Variants in HMCN1 observed in about 807,000 individuals in gnomAD.
The protein encoded by HMCN1 is hemicentin-1.
A neutral mutation model predicts 625.9 loss-of-function variants in HMCN1; 321 were observed. The observed-to-expected ratio is 0.51, with a 90% CI of 0.47 to 0.56. The LOEUF (loss-of-function observed/expected upper bound fraction) is 0.56, where lower values mean the gene tolerates loss of function less well. Ranked by LOEUF, HMCN1 falls within the 20% of genes least tolerant of loss-of-function variation. HMCN1 has a pLI of 0.00. For missense variants in HMCN1, 6,588 were observed against 6,887.3 expected (o/e 0.96, Z 1.54); for synonymous variants, 2,425 against 2,417.6 (o/e 1.00, Z -0.09).
At chr1:186,146,073 C>G (rs1650300997) in intron 93 of HMCN1, 150 bp downstream of exon 93, 1 of 808,592 alleles carries the variant, frequency 1.2e-6, no homozygotes, top group Non-Finnish European at 2.0e-6. Context: ...TGGTACAGTT[C>G]TGTATCAATC....
At position 185,758,723 on chromosome 1, in the gene HMCN1, T is replaced by C. The variant is rs114740467; in HGVS notation, c.268+23676T>C. 9.0e-3 allele frequency among the ~76,000 whole-genome samples: 1,372 copies of C among 152,294 alleles called. 13 individuals are homozygous for C. Among genetic ancestry groups the C allele is most frequent in the Middle Eastern group, 0.027 (8 of 294 alleles). On this transcript the variant is annotated intron_variant, in intron 1 of 106. Transcript: ENST00000271588. ...CTCCTTTTTTTCTTCTTCCTTCTTT[T>C]CCTCATATTTTTCTTCCTCTTTCCA... is the stretch of plus-strand genomic sequence containing the variant.
intron 1 of HMCN1, among the ~76,000 whole-genome samples, chr1:185,808,752 T>G (rs1659329370): frequency 6.6e-6 from 1 of 152,204 alleles, no homozygotes; most frequent in Non-Finnish European, 1.5e-5. Flanking sequence ...TTCAGGCATC[T>G]GAATGATGTA....
At chr1:185,797,683 T>TAGATTTCTTTTG (rs1553241679) in intron 1 of HMCN1, among the ~76,000 whole-genome samples, 36 of 147,654 alleles carry the variant, frequency 2.4e-4, no homozygotes, top group African/African-American at 8.9e-4. Context: ...AAGACTTGTT[T>TAGATTTCTTTTG]TGGCCGGGCG....
At chr1:185,784,265 G>C (rs1657391687) in intron 1 of HMCN1, among the ~76,000 whole-genome samples, 1 of 152,148 alleles carries the variant, frequency 6.6e-6, no homozygotes, top group Non-Finnish European at 1.5e-5. Flanking sequence ...GCTTCCCTTG[G>C]CTAGGAAAGG....
In HMCN1 at chr1:186,115,284, A is replaced by C. The variant is rs751774619; in HGVS notation, c.11431A>C (p.Thr3811Pro). The C allele has an allele frequency of 6.2e-7, 1 of 1,614,056 alleles. No individual in the cohort carries two copies. The highest frequency in any genetic ancestry group is 8.5e-7 in the Non-Finnish European group (1 of 1,179,980). ...TCCTCCATCTATTGCTCCGGGTCCT[A>C]CCAACATGACTGTAATAGTAAATGT... is the stretch of plus-strand genomic sequence containing the variant. ...HVPPSIAPGP[T>P]NMTVIVNVQT... Residue 3811 changes from threonine to proline, a missense_variant, in exon 75 of 107, where the codon ACC becomes CCC. This residue lies in a region of HMCN1 where 4,628 missense variants were observed against 4,853.1 expected (regional missense o/e 0.95). Coordinates refer to ENST00000271588, the MANE Select transcript of HMCN1 (RefSeq NM_031935.3).
chr1:186,110,207 A>G (rs555816987), intron 71 of HMCN1, among the ~76,000 whole-genome samples: 3 of 152,276 alleles, frequency 2.0e-5, no homozygotes, highest in African/African-American at 7.2e-5. Flanking sequence ...GCGGCCTTTG[A>G]TGTAATCATC....
intron 4 of HMCN1, among the ~76,000 whole-genome samples, chr1:185,870,614 G>A (rs183052665): frequency 1.7e-3 from 260 of 152,222 alleles, no homozygotes; most frequent in Admixed American, 2.5e-3. Context: ...GGGTTCATGA[G>A]ATGTTTTGAT....
intron 93 of HMCN1, among the ~76,000 whole-genome samples, chr1:186,147,396 T>C (rs1042928204): frequency 9.2e-5 from 14 of 152,010 alleles, no homozygotes; most frequent in Non-Finnish European, 1.8e-4. Context: ...ATGTCTTTTT[T>C]TTTTTTTTTT....
At chr1:186,143,876 G>A (rs1320657289) in intron 89 of HMCN1, among the ~76,000 whole-genome samples, 1 of 152,184 alleles carries the variant, frequency 6.6e-6, no homozygotes, top group Non-Finnish European at 1.5e-5. Context: ...CACTCAGACT[G>A]TATTTATATA....
In HMCN1 at chr1:186,052,979, A is replaced by C. The variant is rs780601486; in HGVS notation, c.6605A>C (p.Glu2202Ala). ...WVPPNIGGSD[E>A]LTQLTVIEGN... ...CCCCCAAATATTGGTGGTTCTGATG[A>C]ACTTACTCAACTTACAGTCATTGAA... The change falls in exon 43 of 107, where the codon GAA (glutamate) becomes GCA (alanine). Residue 2202 changes from glutamate to alanine, a missense_variant. By Grantham distance (107) the Glu-to-Ala change is moderately radical. Coordinates refer to ENST00000271588, the MANE Select transcript of HMCN1 (RefSeq NM_031935.3). 3 of 1,607,090 alleles carry C rather than the reference A, an allele frequency of 1.9e-6. No individual in the cohort carries two copies. The highest frequency in any genetic ancestry group is 2.6e-6 in the Non-Finnish European group (3 of 1,174,298).
intron 103 of HMCN1, among the ~76,000 whole-genome samples, chr1:186,175,892 G>GAAAAAAAAAAAAAAAAAAAAAAA (rs768255922): frequency 7.4e-6 from 1 of 135,084 alleles, no homozygotes; most frequent in African/African-American, 2.8e-5. Context: ...AAAAAAAAAA[G>GAAAAAAAAAAAAAAAAAAAAAAA]AAAGAAAAGA....
intron 40 of HMCN1, among the ~76,000 whole-genome samples, chr1:186,044,094 G>C (rs1020596490): frequency 6.6e-6 from 1 of 151,966 alleles, no homozygotes; most frequent in African/African-American, 2.4e-5. Context: ...AAAAGAAAAA[G>C]GAAAGAAAGT....
chr1:185,817,176 CAT>C (rs1659894434), intron 1 of HMCN1, among the ~76,000 whole-genome samples: 1 of 152,122 alleles, frequency 6.6e-6, no homozygotes, highest in South Asian at 2.1e-4. Flanking sequence ...GCAGGGATGA[CAT>C]GTTGTGTGTG....
chr1:186,019,513 A>C (rs746135333), intron 34 of HMCN1, 28 bp from the exon 35 acceptor site: 66 of 1,567,084 alleles, frequency 4.2e-5, no homozygotes, highest in East Asian at 1.1e-4. Flanking sequence ...TTATGGTTTC[A>C]TTCCCTCTCC....
At chr1:186,003,912 G>C in intron 29 of HMCN1, 68 bp downstream of exon 29, 3 of 1,430,876 alleles carry the variant, frequency 2.1e-6, no homozygotes, top group Non-Finnish European at 3.0e-6. Context: ...AATGCATGTG[G>C]ATTTTCTCCC....
At position 186,054,483 on chromosome 1, in the gene HMCN1, G is replaced by T. The variant is rs762050187; in HGVS notation, c.6862+497G>T. On this transcript the variant is annotated intron_variant, in intron 44 of 106. Coordinates refer to ENST00000271588, the MANE Select transcript of HMCN1 (RefSeq NM_031935.3). ...GGTTTTGTTGGTTGAACAAGGTCGCGTGGCTTGTGTGTGGTAGGACTGGCA... is the reference window on the plus strand; with the variant it reads ...GGTTTTGTTGGTTGAACAAGGTCGCTTGGCTTGTGTGTGGTAGGACTGGCA... 3.3e-5 allele frequency among the ~76,000 whole-genome samples: 5 copies of T among 152,084 alleles called. No homozygotes were observed. The East Asian group carries it at 9.7e-4, about 29-fold the overall frequency.
At chr1:186,087,761 T>C (rs918338324) in intron 60 of HMCN1, 116 bp downstream of exon 60, 4 of 1,220,518 alleles carry the variant, frequency 3.3e-6, no homozygotes, top group Non-Finnish European at 4.8e-6. Context: ...ATTAAAAAAA[T>C]ACATAGCCAA....
chr1:186,098,595 T>A (rs1403554451), intron 68 of HMCN1, among the ~76,000 whole-genome samples: 1 of 152,074 alleles, frequency 6.6e-6, no homozygotes, highest in African/African-American at 2.4e-5. Flanking sequence ...TTGGTGGGAT[T>A]GTAAGTTAAT....
Position 186,117,696 on chromosome 1 carries a change from G to A in HMCN1, c.11848+73G>A, listed in dbSNP as rs146724723. 5.6e-4 allele frequency: 786 copies of A among 1,400,152 alleles called. 7 individuals carry two copies. In the African/African-American group the frequency reaches 9.5e-3, roughly 17 times the overall value. 86.7% of individuals were successfully genotyped at this position (1,400,152 alleles called of 1,614,324 possible). On this transcript the variant is annotated intron_variant, in intron 77 of 106. Coordinates refer to ENST00000271588, the MANE Select transcript of HMCN1 (RefSeq NM_031935.3). ...TGATGCATATTCTTACCTGGCCTTT[G>A]TTGCACCAGAATAAAAGAATAAAAT...
Sources: gnomAD v4.1 joint callset for allele counts (sites outside exome capture counted in the v4.1 genomes callset) on GRCh38, gnomAD v4.1.1 for gene constraint, gnomAD v4.1.1 regional missense constraint, MANE v1.5 for transcripts, NCBI Gene and HGNC (gene_info 2026-07-23, HGNC 2026-07-21) for gene names.